Variants in ATP2B2 observed in about 807,000 individuals in gnomAD.
The protein encoded by ATP2B2 is plasma membrane calcium-transporting ATPase 2.
ATP2B2 carries 15 observed loss-of-function variants against 120.0 expected under a neutral mutation model. The observed-to-expected ratio is 0.12, with a 90% confidence interval of 0.08 to 0.19. ATP2B2 has a LOEUF of 0.19. Among genes scored for constraint, ATP2B2 ranks in the 10% least tolerant of loss-of-function variants. ATP2B2 has a pLI of 1.00. For missense variants in ATP2B2, 1,045 were observed against 1,719.8 expected (o/e 0.61, Z 6.94); for synonymous variants, 694 against 700.3 (o/e 0.99, Z 0.14).
chr3:10,377,080 G>A (rs2061401789), intron 10 of ATP2B2, among the ~76,000 whole-genome samples: 1 of 152,204 alleles, frequency 6.6e-6, no homozygotes, highest in East Asian at 1.9e-4. Context: ...GCTTGACTGT[G>A]AACTCCATTC....
intron 1 of ATP2B2, among the ~76,000 whole-genome samples, chr3:10,699,271 T>G (rs538921788): frequency 6.6e-6 from 1 of 152,358 alleles, no homozygotes; most frequent in South Asian, 2.1e-4. Context: ...TACAAGAATG[T>G]TCATCACAGT....
At chr3:10,506,281 CGG>C (rs1179456464), upstream of ATP2B2, among the ~76,000 whole-genome samples, 1 of 151,698 alleles carries the variant, frequency 6.6e-6, no homozygotes, top group African/African-American at 2.4e-5. Flanking sequence ...CACCTGCCCT[CGG>C]GGGGGTGTGG....
chr3:10,588,085 T>C (rs2068555928), intron 2 of ATP2B2, among the ~76,000 whole-genome samples: 1 of 152,244 alleles, frequency 6.6e-6, no homozygotes, highest in Non-Finnish European at 1.5e-5. Flanking sequence ...TTTTGCAAAT[T>C]CATTCATTCA....
At chr3:10,701,922 C>A (rs936998452) in intron 1 of ATP2B2, among the ~76,000 whole-genome samples, 1 of 152,124 alleles carries the variant, frequency 6.6e-6, no homozygotes, top group African/African-American at 2.4e-5. Context: ...TCACCTTCTG[C>A]GAAACATAGT....
At chr3:10,569,600 G>T (rs910795963) in intron 2 of ATP2B2, among the ~76,000 whole-genome samples, 7 of 152,174 alleles carry the variant, frequency 4.6e-5, no homozygotes, top group South Asian at 2.1e-4. Flanking sequence ...TAATCCTTAG[G>T]ATGAAGCTAA....
At chr3:10,361,630 G>A (rs1021098362) in intron 12 of ATP2B2, among the ~76,000 whole-genome samples, 2 of 152,300 alleles carry the variant, frequency 1.3e-5, no homozygotes, top group South Asian at 4.1e-4. Flanking sequence ...CCCGAACACG[G>A]GCTGTTTCAT....
At chr3:10,464,956 C>G (rs2064672344) in intron 1 of ATP2B2, among the ~76,000 whole-genome samples, 1 of 152,262 alleles carries the variant, frequency 6.6e-6, no homozygotes, top group East Asian at 1.9e-4. Flanking sequence ...CCACCCACCT[C>G]TACCCCAGGG....
chr3:10,530,605 G>A (rs2067192116), intron 3 of ATP2B2, among the ~76,000 whole-genome samples: 1 of 152,054 alleles, frequency 6.6e-6, no homozygotes. Context: ...TTTTTCCTTC[G>A]TTCTCTCGTT....
intron 1 of ATP2B2, among the ~76,000 whole-genome samples, chr3:10,647,332 T>A (rs1575589963): frequency 6.6e-6 from 1 of 151,954 alleles, no homozygotes; most frequent in Non-Finnish European, 1.5e-5. Flanking sequence ...GTGGGGTGGA[T>A]GGGAAAGGGT....
At chr3:10,659,450 C>T (rs2070723464) in intron 1 of ATP2B2, among the ~76,000 whole-genome samples, 1 of 152,150 alleles carries the variant, frequency 6.6e-6, no homozygotes, top group African/African-American at 2.4e-5. Flanking sequence ...CAATCCTAGT[C>T]TCTGATAAAA....
intron 1 of ATP2B2, among the ~76,000 whole-genome samples, chr3:10,638,516 G>A (rs2070084715): frequency 6.6e-6 from 1 of 152,010 alleles, no homozygotes; most frequent in Non-Finnish European, 1.5e-5. Context: ...ATAATATAAA[G>A]ATATCCAATT....
At chr3:10,407,538 C>T (rs968857958) in intron 3 of ATP2B2, among the ~76,000 whole-genome samples, 1 of 152,216 alleles carries the variant, frequency 6.6e-6, no homozygotes, top group Admixed American at 6.5e-5. Context: ...AGAAGCAAGG[C>T]TCTCTGCCTG....
chr3:10,532,751 T>C (rs1432848026), intron 3 of ATP2B2, among the ~76,000 whole-genome samples: 4 of 152,240 alleles, frequency 2.6e-5, no homozygotes, highest in African/African-American at 9.6e-5. Flanking sequence ...GGGTGGTGTC[T>C]GAAGGCTGAA....
At chr3:10,666,710 C>T (rs1484155361) in intron 1 of ATP2B2, among the ~76,000 whole-genome samples, 1 of 152,246 alleles carries the variant, frequency 6.6e-6, no homozygotes, top group African/African-American at 2.4e-5. Flanking sequence ...GAAGGAGGCT[C>T]AGTCCCTCCA....
rs2060441652 is a variant in ATP2B2 at position 10,346,685 on chromosome 3, C to A, written c.2405-548G>T. On this transcript the variant is annotated intron_variant, in intron 16 of 22. Transcript: ENST00000360273. The surrounding 1 kb of genome is among the most constrained non-coding windows in gnomAD (Gnocchi z 4.1). The stretch of plus-strand genomic sequence containing the variant: ...AACATTCAACGAATAACAGAATGAA[C>A]AAATGACATGTGGCCCCAGTCACTG... 6.6e-6 allele frequency among the ~76,000 whole-genome samples: 1 copy of A among 152,136 alleles called. No individual in the cohort carries two copies. Among genetic ancestry groups the A allele is most frequent in the African/African-American group, 2.4e-5 (1 of 41,430 alleles).
chr3:10,647,355 C>T (rs1420190435), intron 1 of ATP2B2, among the ~76,000 whole-genome samples: 3 of 152,120 alleles, frequency 2.0e-5, no homozygotes, highest in Non-Finnish European at 2.9e-5. Flanking sequence ...TGACATCTCA[C>T]CGTGAGATCA....
chr3:10,669,128 A>C (rs952775445), intron 1 of ATP2B2, among the ~76,000 whole-genome samples: 1 of 152,216 alleles, frequency 6.6e-6, no homozygotes, highest in Non-Finnish European at 1.5e-5. Context: ...GGGAAGCCAC[A>C]GTCCTTGAGA....
Position 10,328,892 on chromosome 3 carries a change from G to A in ATP2B2, c.3654C>T (p.Asn1218=), listed in dbSNP as rs150065117. ...CTGATTTGCTTGTGTCGGTCGTCAG[G>A]TTGATCCCACTGTCGATGGCGCTGT... ...KNNSAIDSGI[N]LTTDTSKSAT... is the part of the protein sequence containing the mutation. The change falls in exon 23 of 23, where the codon AAC becomes AAT. Residue 1218 remains asparagine, a synonymous_variant. Coordinates refer to ENST00000360273, the MANE Select transcript of ATP2B2 (RefSeq NM_001001331.4). 6.6e-5 allele frequency: 106 copies of A among 1,614,024 alleles called. No individual in the cohort carries two copies. The highest frequency in any genetic ancestry group is 3.0e-4 in the Admixed American group (18 of 60,022).
In ATP2B2 at chr3:10,350,447, C is replaced by A. The variant is rs1323514737; in HGVS notation, c.2267G>T (p.Cys756Phe). Residue 756 changes from cysteine (C) to phenylalanine (F), a missense_variant, in exon 15 of 23, where the codon TGC (cysteine) becomes TTC (phenylalanine). Physicochemically the swap from Cys to Phe is radical, Grantham distance 205 (BLOSUM62 -2). Around this residue, in one of 11 missense-constraint regions of ATP2B2, gnomAD observed 343 missense variants for 536.8 expected, o/e 0.64. Transcript: ENST00000360273. The stretch of plus-strand genomic sequence containing the variant: ...CCTGTTGAACTCCTTGCCCTCGAGG[C>A]ACAGAAAGTCCTCCCCAGGATGGAT... ...GIIHPGEDFL[C>F]LEGKEFNRRI... The A allele has an allele frequency of 1.9e-6, 3 of 1,614,106 alleles. No homozygotes were observed. The Admixed American group carries it at 5.0e-5, about 27-fold the overall frequency.
Sources: gnomAD v4.1 joint callset for allele counts (sites outside exome capture counted in the v4.1 genomes callset) on GRCh38, gnomAD v4.1.1 for gene constraint, gnomAD v4.1.1 regional missense constraint, Gnocchi (gnomAD v3.1) non-coding constraint, MANE v1.5 for transcripts, NCBI Gene and HGNC (gene_info 2026-07-23, HGNC 2026-07-21) for gene names.